The following ZNF438 variants were observed in gnomAD, a reference collection of about 807,000 sequenced individuals.
The protein encoded by ZNF438 is zinc finger protein 438.
Under a neutral mutation model 38.0 loss-of-function variants are expected in ZNF438, and 25 were observed. The ratio of observed to expected loss-of-function variants is 0.66; its 90% CI spans 0.48 to 0.92. The LOEUF is 0.92. Ranked by LOEUF, ZNF438 falls within the 40% of genes least tolerant of loss-of-function variation. ZNF438 has a pLI of 0.00. For missense variants in ZNF438, 1,007 were observed against 999.6 expected (o/e 1.01, Z -0.10); for synonymous variants, 372 against 364.1 (o/e 1.02, Z -0.25).
intron 1 of ZNF438, among the ~76,000 whole-genome samples, chr10:30,957,088 C>T (rs910441414): frequency 6.6e-6 from 1 of 152,186 alleles, no homozygotes; most frequent in Non-Finnish European, 1.5e-5. Context: ...GCCATTCTAA[C>T]TGGGGTAAGA....
intron 1 of ZNF438, among the ~76,000 whole-genome samples, chr10:31,018,418 T>G (rs2994683): frequency 6.6e-6 from 1 of 152,238 alleles, no homozygotes; most frequent in Non-Finnish European, 1.5e-5. Flanking sequence ...ACTACTTCCC[T>G]GGAGGTACAA....
intron 1 of ZNF438, among the ~76,000 whole-genome samples, chr10:30,974,046 G>A (rs1009345550): frequency 6.6e-6 from 1 of 152,164 alleles, no homozygotes; most frequent in African/African-American, 2.4e-5. Flanking sequence ...CAGCCTAATG[G>A]CTGATTGGTA....
Position 31,013,037 on chromosome 10 carries a change from G to A in ZNF438, c.-192+18796C>T, listed in dbSNP as rs148180664. Among the ~76,000 whole-genome samples the A allele has an allele frequency of 6.6e-5, 10 of 151,978 alleles. No individual in the cohort carries two copies. In the East Asian group the frequency reaches 1.9e-3, roughly 29 times the overall value. On this transcript the variant is annotated intron_variant, in intron 1 of 5. Transcript: ENST00000413025. ...ATCACTGTTATAAAAATCCCCAACTGGGCCGGGCGCGGTGGCTCACGCCTG... is the reference window on the plus strand; with the variant it reads ...ATCACTGTTATAAAAATCCCCAACTAGGCCGGGCGCGGTGGCTCACGCCTG...
Position 30,961,408 on chromosome 10 carries a change from G to A in ZNF438, c.-191-19757C>T, listed in dbSNP as rs1288334639. On this transcript the variant is annotated intron_variant, in intron 1 of 5. Coordinates refer to ENST00000413025, the Ensembl canonical transcript of ZNF438. ...ACTCCTGGGCTCAGGCGATCCTTCCGCCCCAGCCTCCTGAGTAGCTGGGAC... is the reference window on the plus strand; with the variant it reads ...ACTCCTGGGCTCAGGCGATCCTTCCACCCCAGCCTCCTGAGTAGCTGGGAC... Among the ~76,000 whole-genome samples, 4 of 146,334 alleles carry A rather than the reference G, an allele frequency of 2.7e-5. 1 individual carries two copies. The highest frequency in any genetic ancestry group is 4.7e-5 in the Non-Finnish European group (3 of 64,500).
chr10:30,959,777 A>G (rs2049273539), intron 1 of ZNF438, among the ~76,000 whole-genome samples: 1 of 146,472 alleles, frequency 6.8e-6, no homozygotes, highest in East Asian at 1.9e-4. Context: ...ACACACACAC[A>G]TACCTGATTC....
chr10:30,847,051 A>C (rs2153597), intron 5 of ZNF438, among the ~76,000 whole-genome samples: 2 of 151,838 alleles, frequency 1.3e-5, no homozygotes, highest in African/African-American at 4.8e-5. Flanking sequence ...GCTCGGTGCC[A>C]GCCTGCAGGT....
chr10:31,030,849 A>T (rs2057244711), intron 1 of ZNF438, among the ~76,000 whole-genome samples: 1 of 152,196 alleles, frequency 6.6e-6, no homozygotes. Context: ...CCCTTGACCA[A>T]AATATTCAAG....
At chr10:31,028,448 A>G (rs1322281216) in intron 1 of ZNF438, among the ~76,000 whole-genome samples, 1 of 152,204 alleles carries the variant, frequency 6.6e-6, no homozygotes, top group Non-Finnish European at 1.5e-5. Context: ...GCTAATGCAA[A>G]TATAGTAAAA....
At chr10:31,018,466 AGG>A (rs1564353614) in intron 1 of ZNF438, among the ~76,000 whole-genome samples, 1 of 152,200 alleles carries the variant, frequency 6.6e-6, no homozygotes, top group Non-Finnish European at 1.5e-5. Flanking sequence ...AAGTTATTAG[AGG>A]TGACAGTCTC....
At chr10:30,995,221 G>A (rs942289623) in intron 1 of ZNF438, among the ~76,000 whole-genome samples, 1 of 152,106 alleles carries the variant, frequency 6.6e-6, no homozygotes, top group African/African-American at 2.4e-5. Context: ...AAAATCTTGA[G>A]AGCCAAAGAC....
intron 3 of ZNF438, among the ~76,000 whole-genome samples, chr10:30,907,164 G>A (rs1044386608): frequency 6.6e-6 from 1 of 152,074 alleles, no homozygotes; most frequent in African/African-American, 2.4e-5. Flanking sequence ...TAGTAGAGAC[G>A]CGGTTTCACC....
At chr10:30,904,306 A>G (rs1376321711) in intron 3 of ZNF438, among the ~76,000 whole-genome samples, 1 of 152,324 alleles carries the variant, frequency 6.6e-6, no homozygotes, top group Middle Eastern at 3.4e-3. Context: ...TTCACTTTCC[A>G]AAGTCCAGTG....
chr10:30,874,010 T>A (rs1467272470), intron 4 of ZNF438, among the ~76,000 whole-genome samples: 1 of 151,732 alleles, frequency 6.6e-6, no homozygotes. Flanking sequence ...AATTAATAAA[T>A]AGCATGTGCC....
intron 4 of ZNF438, among the ~76,000 whole-genome samples, chr10:30,856,427 G>A (rs116937223): frequency 0.013 from 1,961 of 152,262 alleles, 19 homozygotes; most frequent in South Asian, 0.023. Flanking sequence ...AGTCCTTACA[G>A]AAGCTGAAAA....
intron 4 of ZNF438, among the ~76,000 whole-genome samples, chr10:30,864,138 T>C (rs2036040773): frequency 6.6e-6 from 1 of 152,190 alleles, no homozygotes; most frequent in South Asian, 2.1e-4. Context: ...TCCCTTTTAT[T>C]TGTAAACTCC....
At chr10:30,903,315 G>A (rs1037158138) in intron 3 of ZNF438, among the ~76,000 whole-genome samples, 3 of 152,240 alleles carry the variant, frequency 2.0e-5, no homozygotes, top group Admixed American at 1.3e-4. Context: ...AGGAGGCACC[G>A]AGAGCGAGTG....
rs563210072 is a variant in ZNF438, at chr10:30,854,787, G to A, written c.38-4420C>T. On this transcript the variant is annotated intron_variant, in intron 4 of 5. Transcript: ENST00000413025. ...AAACAGACACACAGAGAGGAAGAGT[G>A]GGGGGATTAGAGCGAAGACAGAGGA... Among the ~76,000 whole-genome samples, 15 of 152,232 alleles carry A rather than the reference G, an allele frequency of 9.9e-5. No homozygotes were observed. In the South Asian group the frequency reaches 1.2e-3, roughly 13 times the overall value.
intron 1 of ZNF438, among the ~76,000 whole-genome samples, chr10:31,019,799 C>T (rs1038732966): frequency 1.1e-4 from 16 of 152,112 alleles, no homozygotes; most frequent in Non-Finnish European, 1.9e-4. Context: ...TTATTTGTTG[C>T]TTACCTGAAA....
At chr10:30,874,116 A>ATATATATATATATG (rs2038001304) in intron 4 of ZNF438, among the ~76,000 whole-genome samples, 1 of 5,490 alleles carries the variant, frequency 1.8e-4, no homozygotes, top group Admixed American at 2.7e-3. Flanking sequence ...GTGTGTGTGT[A>ATATATATATATATG]TATATATATA....
Sources: allele counts gnomAD v4.1 joint callset (sites outside exome capture counted in the v4.1 genomes callset), GRCh38; gene constraint gnomAD v4.1.1; transcripts MANE v1.5; gene names NCBI Gene and HGNC (gene_info 2026-07-23, HGNC 2026-07-21).